The following CRISPLD2 variants were observed in gnomAD, a reference collection of about 807,000 sequenced individuals.
CRISPLD2 encodes cysteine rich secretory protein LCCL domain containing 2.
A neutral mutation model predicts 71.1 loss-of-function variants in CRISPLD2; 47 were observed. That is an observed-to-expected ratio of 0.66 (90% CI 0.52 to 0.84). CRISPLD2 has a LOEUF of 0.84. CRISPLD2 is among the 40% of genes least tolerant of loss of function. The pLI is 0.00. For missense variants in CRISPLD2, 830 were observed against 651.1 expected (o/e 1.27, Z -2.99); for synonymous variants, 317 against 250.1 (o/e 1.27, Z -2.52).
chr16:84,842,183 G>C (rs1916789199), intron 2 of CRISPLD2: 1 of 152,312 alleles, frequency 6.6e-6, no homozygotes, highest in African/African-American at 2.4e-5. Flanking sequence ...GTTTCTGAAG[G>C]GGCAGAGCAG....
chr16:84,850,191 A>G (rs1482581719), intron 4 of CRISPLD2, among the ~76,000 whole-genome samples: 16 of 151,740 alleles, frequency 1.1e-4, no homozygotes, highest in Admixed American at 1.1e-3. Flanking sequence ...CCTGGGTTCA[A>G]GCGATTCGCC....
intron 1 of CRISPLD2, among the ~76,000 whole-genome samples, chr16:84,829,992 G>A (rs1916447912): frequency 6.6e-6 from 1 of 152,244 alleles, no homozygotes; most frequent in Admixed American, 6.5e-5. Flanking sequence ...ACTGCAGCCA[G>A]CTTGGACTGG....
Position 84,845,922 on chromosome 16 carries a change from C to G in CRISPLD2, c.359+18C>G, listed in dbSNP as rs536498915. 3 of 1,539,896 alleles carry G rather than the reference C, an allele frequency of 1.9e-6. No individual in the cohort carries two copies. Among genetic ancestry groups the G allele is most frequent in the East Asian group, 4.5e-5 (2 of 44,488 alleles). On this transcript the variant is annotated intron_variant, in intron 3 of 14. Coordinates refer to ENST00000262424, the MANE Select transcript of CRISPLD2 (RefSeq NM_031476.4). ...TGGGGCAGGTAAGAGCCACAAGTTC[C>G]TCTCCGGCTGCCGCAGGACCCCACT...
rs1471817484 is a variant in CRISPLD2 at position 84,906,731 on chromosome 16, G to A, written c.*89G>A. Reference sequence around the variant, plus strand: ...ATTTTGTCATTGCGGGGTATATGGAGAGTCAGGAAACTTCCTTTGACTGAT... The same window carrying A: ...ATTTTGTCATTGCGGGGTATATGGAAAGTCAGGAAACTTCCTTTGACTGAT... On this transcript the variant is annotated 3_prime_UTR_variant, in exon 15 of 15. Coordinates refer to ENST00000262424, the MANE Select transcript of CRISPLD2 (RefSeq NM_031476.4). 6 of 1,465,530 alleles carry A rather than the reference G, an allele frequency of 4.1e-6. No individual in the cohort carries two copies. The highest frequency in any genetic ancestry group is 5.7e-6 in the Non-Finnish European group (6 of 1,045,980). The allele number at this position is 1,465,530 out of a possible 1,614,324, so 90.8% of individuals were successfully genotyped here.
At chr16:84,900,504 T>C (rs2071743729) in intron 14 of CRISPLD2, among the ~76,000 whole-genome samples, 1 of 152,128 alleles carries the variant, frequency 6.6e-6, no homozygotes, top group Admixed American at 6.6e-5. Context: ...TACCTTCTAT[T>C]GGTCAAGAAC....
At chr16:84,837,139 A>G (rs899503619) in intron 1 of CRISPLD2, among the ~76,000 whole-genome samples, 1 of 152,234 alleles carries the variant, frequency 6.6e-6, no homozygotes, top group Non-Finnish European at 1.5e-5. Context: ...CGAGGAAAGC[A>G]GAGAGGAGGG....
chr16:84,907,031 A>C lies in CRISPLD2; in HGVS notation c.*389A>C. On this transcript the variant is annotated 3_prime_UTR_variant, in exon 15 of 15. Coordinates refer to ENST00000262424, the MANE Select transcript of CRISPLD2 (RefSeq NM_031476.4). ...AAGAACAAACCATTTGAAGCTCACA[A>C]TTGTGAAGCATTCACGGCGTCGGAA... 4.1e-6 allele frequency: 1 copy of C among 246,362 alleles called. No homozygotes were observed. Among genetic ancestry groups the C allele is most frequent in the South Asian group, 5.0e-5 (1 of 20,178 alleles). 15.3% of individuals were successfully genotyped at this position (246,362 alleles called of 1,614,324 possible).
chr16:84,836,848 C>T (rs1369545778), intron 1 of CRISPLD2, among the ~76,000 whole-genome samples: 1 of 152,168 alleles, frequency 6.6e-6, no homozygotes, highest in African/African-American at 2.4e-5. Context: ...GAACTGAGCC[C>T]CGTGGAGTTC....
intron 1 of CRISPLD2, among the ~76,000 whole-genome samples, chr16:84,831,180 C>G (rs1916479717): frequency 6.6e-6 from 1 of 152,132 alleles, no homozygotes. Flanking sequence ...GGACAGAGCT[C>G]CATGACAGAA....
intron 14 of CRISPLD2, among the ~76,000 whole-genome samples, chr16:84,891,382 C>G (rs763520584): frequency 1.3e-5 from 2 of 152,180 alleles, no homozygotes; most frequent in East Asian, 3.9e-4. Context: ...GTACCCAGAT[C>G]GTGCCCATTC....
intron 14 of CRISPLD2, among the ~76,000 whole-genome samples, chr16:84,904,582 T>C (rs978865711): frequency 7.0e-6 from 1 of 143,356 alleles, no homozygotes; most frequent in African/African-American, 2.6e-5. Context: ...AGACTCGGTC[T>C]CAAAAAAAGG....
intron 8 of CRISPLD2, among the ~76,000 whole-genome samples, chr16:84,869,836 C>T (rs117880591): frequency 9.8e-5 from 15 of 152,318 alleles, no homozygotes; most frequent in Admixed American, 3.3e-4. Context: ...AAGCACATTG[C>T]GATAGCATCA....
At chr16:84,899,449 C>G (rs2071734408) in intron 14 of CRISPLD2, among the ~76,000 whole-genome samples, 2 of 152,156 alleles carry the variant, frequency 1.3e-5, no homozygotes, top group South Asian at 2.1e-4. Flanking sequence ...GTACAACTAC[C>G]AACTTCCCCA....
intron 2 of CRISPLD2, among the ~76,000 whole-genome samples, chr16:84,845,180 G>T (rs1458980285): frequency 6.6e-6 from 1 of 152,238 alleles, no homozygotes; most frequent in East Asian, 1.9e-4. Context: ...AGGGAAAATG[G>T]CATTGCTTCT....
chr16:84,840,609 C>T (rs1916743924), intron 2 of CRISPLD2, among the ~76,000 whole-genome samples: 1 of 152,160 alleles, frequency 6.6e-6, no homozygotes, highest in Admixed American at 6.5e-5. Context: ...TGGGTTCAAG[C>T]AATTCTCCTG....
intron 5 of CRISPLD2, among the ~76,000 whole-genome samples, chr16:84,853,899 C>A (rs143370111): frequency 2.0e-5 from 3 of 152,220 alleles, no homozygotes; most frequent in Non-Finnish European, 4.4e-5. Context: ...CAGCCTGGGG[C>A]CCAAGCCGGG....
chr16:84,844,333 T>C (rs1403365637), intron 2 of CRISPLD2, among the ~76,000 whole-genome samples: 1 of 152,184 alleles, frequency 6.6e-6, no homozygotes, highest in Admixed American at 6.5e-5. Flanking sequence ...CTCTTGTCAA[T>C]TTCTTCTCAT....
Position 84,906,667 on chromosome 16 carries a change from G to A in CRISPLD2, c.*25G>A. The A allele has an allele frequency of 6.2e-7, 1 of 1,613,936 alleles. No individual in the cohort carries two copies. The highest frequency in any genetic ancestry group is 8.5e-7 in the Non-Finnish European group (1 of 1,179,810). On this transcript the variant is annotated 3_prime_UTR_variant, in exon 15 of 15. Coordinates refer to ENST00000262424, the MANE Select transcript of CRISPLD2 (RefSeq NM_031476.4). ...AATTTCCAGCACCAGGGGAGAAGGG[G>A]CGTCTTCAGGAGGGCTTCGGGGTTT...
chr16:84,900,380 G>A (rs142196358), intron 14 of CRISPLD2, among the ~76,000 whole-genome samples: 4 of 152,178 alleles, frequency 2.6e-5, no homozygotes, highest in Non-Finnish European at 4.4e-5. Flanking sequence ...TGTTTGGAGC[G>A]GAGATCCTAA....
Sources: allele counts gnomAD v4.1 joint callset (sites outside exome capture counted in the v4.1 genomes callset), GRCh38; gene constraint gnomAD v4.1.1; transcripts MANE v1.5; gene names NCBI Gene and HGNC (gene_info 2026-07-23, HGNC 2026-07-21).